Variants in URB2 observed in about 807,000 individuals in gnomAD.
URB2 encodes unhealthy ribosome biogenesis protein 2 homolog.
In URB2, 86 loss-of-function variants were observed where a neutral mutation model predicts 120.9. The ratio of observed to expected loss-of-function variants is 0.71; its 90% CI spans 0.60 to 0.85. The LOEUF (loss-of-function observed/expected upper bound fraction) is 0.85. Ranked by LOEUF, URB2 falls within the 40% of genes least tolerant of loss-of-function variation. The probability of loss-of-function intolerance (pLI) is 0.00; values close to 1 mark genes in which losing one functional copy is unlikely to be tolerated. For missense variants in URB2, 1,765 were observed against 1,836.5 expected (o/e 0.96, Z 0.71); for synonymous variants, 755 against 758.4 (o/e 1.00, Z 0.07).
intron 2 of URB2, among the ~76,000 whole-genome samples, chr1:229,632,022 GA>G (rs1339322441): frequency 6.6e-6 from 1 of 152,152 alleles, no homozygotes; most frequent in Non-Finnish European, 1.5e-5. Flanking sequence ...AGTTTCACCT[GA>G]AACTTTTAAT....
chr1:229,636,992 A>T lies in URB2; in HGVS notation c.2379A>T (p.Lys793Asn), dbSNP rs1459992599. Residue 793 changes from lysine (K) to asparagine (N), a missense_variant, in exon 4 of 10, where the codon AAA (lysine) becomes AAT (asparagine). By Grantham distance (94) the Lys-to-Asn change is moderately conservative. Coordinates refer to ENST00000258243, the MANE Select transcript of URB2 (RefSeq NM_014777.4). ...ACATCACACTGGAAAAAATATCCAA[A>T]GCCTTCCTTCATAGCCCTCTCTTTC... is the stretch of plus-strand genomic sequence containing the variant. ...EAYITLEKISKAFLHSPLFPE... is the reference protein window; with the variant it reads ...EAYITLEKISNAFLHSPLFPE... The T allele has an allele frequency of 1.2e-6, 2 of 1,613,966 alleles. No individual in the cohort carries two copies. The highest frequency in any genetic ancestry group is 1.7e-6 in the Non-Finnish European group (2 of 1,180,054).
At chr1:229,632,527 A>G (rs1412611613) in intron 3 of URB2, 82 bp downstream of exon 3, 5 of 1,254,638 alleles carry the variant, frequency 4.0e-6, no homozygotes, top group African/African-American at 1.6e-5. Flanking sequence ...TTTAGTGTCA[A>G]TTGTATGAAG....
chr1:229,654,732 TC>T (rs1666367972), intron 9 of URB2, among the ~76,000 whole-genome samples: 1 of 152,200 alleles, frequency 6.6e-6, no homozygotes, highest in African/African-American at 2.4e-5. Flanking sequence ...CCTCAGGCCT[TC>T]CTTTCTCTTC....
rs1232963872 is a variant in URB2, at chr1:229,636,912, C to A, written c.2299C>A (p.Leu767Met). 5 of 1,612,532 alleles carry A rather than the reference C, an allele frequency of 3.1e-6. No homozygotes were observed. In the South Asian group the frequency reaches 4.4e-5, roughly 14 times the overall value. Residue 767 changes from leucine (L) to methionine (M), a missense_variant, in exon 4 of 10, where the codon CTG becomes ATG. Transcript: ENST00000258243. Reference protein sequence around the residue: ...DDVGYLASVLLRTLPMGKAQE... With the variant: ...DDVGYLASVLMRTLPMGKAQE... ...TGTGGGATACCTGGCCAGTGTCCTG[C>A]TGAGAACTTTACCCATGGGCAAAGC...
Position 229,647,672 on chromosome 1 carries a change from C to A in URB2, c.4069C>A (p.His1357Asn), listed in dbSNP as rs759684400. The change falls in exon 7 of 10, where the codon CAT (histidine) becomes AAT (asparagine). Residue 1357 changes from histidine to asparagine, a missense_variant. Physicochemically the swap from His to Asn is moderately conservative, Grantham distance 68. Transcript: ENST00000258243. ...FSILLTVPLD[H>N]LKPLEYGSVF... The stretch of plus-strand genomic sequence containing the variant: ...CATCCTTCTCACTGTCCCTTTGGAC[C>A]ATCTGAAGCCGCTGGAGTATGGAAG... The A allele has an allele frequency of 3.7e-6, 6 of 1,614,152 alleles. No homozygotes were observed. Among genetic ancestry groups the A allele is most frequent in the South Asian group, 2.2e-5 (2 of 91,082 alleles).
Position 229,659,103 on chromosome 1 carries a change from AC to A in URB2, c.4383del (p.Leu1462TyrfsTer5). 6.2e-7 allele frequency: 1 copy of A among 1,610,038 alleles called. No homozygotes were observed. Among genetic ancestry groups the A allele is most frequent in the South Asian group, 1.1e-5 (1 of 90,940 alleles). Reference protein sequence around the residue: ...AQYVLEVQKVTLYPAVKSLLQ... With the variant: ...AQYVLEVQKVXLYPAVKSLLQ... Reference sequence around the variant, plus strand: ...AGAGGTTTGCCTTTTTCCTCAGGTGACCTTATATCCAGCTGTGAAAAGTCTG... The same window carrying A: ...AGAGGTTTGCCTTTTTCCTCAGGTGACTTATATCCAGCTGTGAAAAGTCTG... On this transcript the variant is annotated frameshift_variant, in exon 10 of 10. Coordinates refer to ENST00000258243, the MANE Select transcript of URB2 (RefSeq NM_014777.4). LOFTEE classifies it high-confidence loss of function.
intron 2 of URB2, among the ~76,000 whole-genome samples, chr1:229,629,856 G>T (rs188104596): frequency 1.3e-5 from 2 of 152,334 alleles, no homozygotes; most frequent in African/African-American, 4.8e-5. Flanking sequence ...CTAAGTTTAA[G>T]TTCTATTCTC....
chr1:229,659,167 T>G lies in URB2; in HGVS notation c.4445T>G (p.Ile1482Ser). The change falls in exon 10 of 10, where the codon ATC (isoleucine) becomes AGC (serine). Residue 1482 changes from isoleucine to serine, a missense_variant. Transcript: ENST00000258243. ...ATTTACCTCATCCTGGACCTCTGCATCGAGCCTGACGTCCAGTTCCTGCGG... is the reference window on the plus strand; with the variant it reads ...ATTTACCTCATCCTGGACCTCTGCAGCGAGCCTGACGTCCAGTTCCTGCGG... ...EGIYLILDLC[I>S]EPDVQFLRAS... The G allele has an allele frequency of 6.2e-7, 1 of 1,613,320 alleles. No individual in the cohort carries two copies. The highest frequency in any genetic ancestry group is 1.1e-5 in the South Asian group (1 of 91,036).
chr1:229,656,511 T>C (rs1666409814), intron 9 of URB2, among the ~76,000 whole-genome samples: 1 of 152,254 alleles, frequency 6.6e-6, no homozygotes, highest in Non-Finnish European at 1.5e-5. Context: ...TCTTTCATTT[T>C]GTTTTTAAAT....
Position 229,647,643 on chromosome 1 carries a change from T to C in URB2, c.4040T>C (p.Phe1347Ser), listed in dbSNP as rs1484816527. The C allele has an allele frequency of 1.9e-6, 3 of 1,614,190 alleles. No individual in the cohort carries two copies. Among genetic ancestry groups the C allele is most frequent in the South Asian group, 2.2e-5 (2 of 91,078 alleles). The change falls in exon 7 of 10, where the codon TTC (phenylalanine) becomes TCC (serine). Residue 1347 changes from phenylalanine (F) to serine (S), a missense_variant. Transcript: ENST00000258243. ...AACCCCCACCACGTCAGCCTGGCCT[T>C]CAGCATCCTTCTCACTGTCCCTTTG... ...IGNPHHVSLA[F>S]SILLTVPLDH...
intron 6 of URB2, among the ~76,000 whole-genome samples, chr1:229,646,574 A>G (rs1372925885): frequency 6.6e-6 from 1 of 152,246 alleles, no homozygotes; most frequent in Non-Finnish European, 1.5e-5. Context: ...TAGGAGTTGT[A>G]TGTGTGTGTG....
Position 229,651,360 on chromosome 1 carries a change from T to C in URB2, c.4237+38T>C, listed in dbSNP as rs747151728. The C allele has an allele frequency of 2.3e-5, 36 of 1,579,412 alleles. No individual in the cohort carries two copies. The South Asian group carries it at 3.6e-4, about 16-fold the overall frequency. On this transcript the variant is annotated intron_variant, in intron 8 of 9. Transcript: ENST00000258243. The stretch of plus-strand genomic sequence containing the variant: ...AACATCAGACACAGTTTCAAATATA[T>C]TCATCATGAGGTGTGGCTGCTGGCC...
chr1:229,640,515 C>T (rs1028507078), intron 4 of URB2, among the ~76,000 whole-genome samples: 13 of 151,930 alleles, frequency 8.6e-5, no homozygotes, highest in African/African-American at 2.4e-4. Context: ...GGAAGTCAGC[C>T]GAATCTGACC....
In URB2 at chr1:229,636,698, A is replaced by G. The variant is rs1665839192; in HGVS notation, c.2085A>G (p.Gly695=). The part of the protein sequence containing the change: ...TLMQTSFRSE[G]AIQSLRCDAA... ...TGCAAACTAGTTTCCGGTCTGAAGG[A>G]GCCATCCAAAGTTTGAGGTGCGATG... Residue 695 remains glycine, a synonymous_variant, in exon 4 of 10, where the codon GGA becomes GGG. Coordinates refer to ENST00000258243, the MANE Select transcript of URB2 (RefSeq NM_014777.4). 2 of 1,614,076 alleles carry G rather than the reference A, an allele frequency of 1.2e-6. No individual in the cohort carries two copies. The highest frequency in any genetic ancestry group is 2.2e-5 in the South Asian group (2 of 91,072).
intron 4 of URB2, among the ~76,000 whole-genome samples, chr1:229,640,761 T>C (rs1178072426): frequency 6.6e-6 from 1 of 152,198 alleles, no homozygotes; most frequent in African/African-American, 2.4e-5. Flanking sequence ...GGCTGGATTG[T>C]GGATTAACTG....
intron 5 of URB2, 28 bp from the exon 6 acceptor site, chr1:229,645,830 GC>G (rs761270991): frequency 6.3e-7 from 1 of 1,593,636 alleles, no homozygotes; most frequent in African/African-American, 1.3e-5. Context: ...CGCTATCTCT[GC>G]CGCTAAGTTT....
At position 229,659,092 on chromosome 1, in the gene URB2, T is replaced by C. The variant is rs1222449095; in HGVS notation, c.4378-8T>C. 1 of 1,608,632 alleles carries C rather than the reference T, an allele frequency of 6.2e-7. No homozygotes were observed. The highest frequency in any genetic ancestry group is 8.5e-7 in the Non-Finnish European group (1 of 1,177,084). ...ATTGTTCTCACAGAGGTTTGCCTTT[T>C]TCCTCAGGTGACCTTATATCCAGCT... is the stretch of plus-strand genomic sequence containing the variant. On this transcript the variant is annotated splice_polypyrimidine_tract_variant and splice_region_variant and intron_variant, in intron 9 of 9. Coordinates refer to ENST00000258243, the MANE Select transcript of URB2 (RefSeq NM_014777.4).
rs992083535 is a variant in URB2, at chr1:229,633,779, G to T, written c.304-1138G>T. 2.6e-5 allele frequency among the ~76,000 whole-genome samples: 4 copies of T among 152,318 alleles called. No homozygotes were observed. In the East Asian group the frequency reaches 7.7e-4, roughly 29 times the overall value. ...GTTTGTGAATTTTGGAATTTTGAGAGCAGTAGACAATAGATTTGCTGTATA... is the reference window on the plus strand; with the variant it reads ...GTTTGTGAATTTTGGAATTTTGAGATCAGTAGACAATAGATTTGCTGTATA... On this transcript the variant is annotated intron_variant, in intron 3 of 9. Transcript: ENST00000258243.
In URB2 at chr1:229,637,396, A is replaced by G. The variant is rs1043631049; in HGVS notation, c.2783A>G (p.Lys928Arg). ...GTGTTACTGTCCATGGCCGTCACCA[A>G]ACTAGGATGCTCTTGCTCCTCCTCA... ...FLVLLSMAVT[K>R]LGCSCSSSLA... The change falls in exon 4 of 10, where the codon AAA becomes AGA. Residue 928 changes from lysine to arginine, a missense_variant. Transcript: ENST00000258243. The G allele has an allele frequency of 6.8e-6, 11 of 1,614,068 alleles. No individual in the cohort carries two copies. The highest frequency in any genetic ancestry group is 9.3e-6 in the Non-Finnish European group (11 of 1,180,044).
Sources: gnomAD v4.1 joint callset for allele counts (sites outside exome capture counted in the v4.1 genomes callset) on GRCh38, gnomAD v4.1.1 for gene constraint, MANE v1.5 for transcripts, NCBI Gene and HGNC (gene_info 2026-07-23, HGNC 2026-07-21) for gene names.